Variants in SH3YL1 observed in about 807,000 individuals in gnomAD.
SH3YL1 encodes SH3 and SYLF domain containing 1, also known as SH3 domain-containing YSC84-like protein 1.
A neutral mutation model predicts 45.8 loss-of-function variants in SH3YL1; 41 were observed. The ratio of observed to expected loss-of-function variants is 0.89; its 90% CI spans 0.70 to 1.16. The LOEUF is 1.16. Among genes scored for constraint, SH3YL1 ranks in the 50% most tolerant of loss-of-function variants. The pLI is 0.00. For missense variants in SH3YL1, 389 were observed against 409.6 expected, an observed-to-expected ratio of 0.95 and a Z score of 0.43; for synonymous variants, 152 against 151.4, an observed-to-expected ratio of 1.00 and a Z score of -0.03.
At position 247,466 on chromosome 2, in the gene SH3YL1, A is replaced by C. The variant is rs73146253; in HGVS notation, c.291+72T>G. On this transcript the variant is annotated intron_variant, in intron 4 of 9. Coordinates refer to ENST00000356150, the MANE Select transcript of SH3YL1 (RefSeq NM_015677.4). The stretch of plus-strand genomic sequence containing the variant: ...CAATAAGAACGCTAGGAAACCTCTC[A>C]GTTTTCACAGGTTGCATCTTAGGTG... The C allele has an allele frequency of 4.1e-4, 497 of 1,224,808 alleles. 1 individual carries two copies. In the African/African-American group the frequency reaches 7.0e-3, roughly 17 times the overall value. The allele number at this position is 1,224,808 out of a possible 1,614,324, so 75.9% of individuals were successfully genotyped here.
At chr2:230,856 T>A (rs918280871) in intron 7 of SH3YL1, 167 bp downstream of exon 7, 3 of 651,508 alleles carry the variant, frequency 4.6e-6, no homozygotes, top group Non-Finnish European at 8.1e-6. Context: ...CCCTGAAATC[T>A]GTACAGAGGA....
chr2:231,032 CCTCTG>C lies in SH3YL1; in HGVS notation c.688_692del (p.Gln230GlufsTer5). ...TAAAACCAAACGGTACAGAAGACTT[CCTCTG>C]CTCCCTTGCTGCTTTTCTTGCATTG... On this transcript the variant is annotated frameshift_variant, in exon 7 of 10. Transcript: ENST00000356150. LOFTEE classifies it high-confidence loss of function. The C allele has an allele frequency of 6.2e-7, 1 of 1,614,060 alleles. No individual in the cohort carries two copies. The highest frequency in any genetic ancestry group is 8.5e-7 in the Non-Finnish European group (1 of 1,179,974).
At chr2:257,162 A>G (rs1031924922) in intron 1 of SH3YL1, among the ~76,000 whole-genome samples, 1 of 152,068 alleles carries the variant, frequency 6.6e-6, no homozygotes, top group Admixed American at 6.6e-5. Context: ...GAGCTTACAA[A>G]TATTTTCTTC....
intron 1 of SH3YL1, among the ~76,000 whole-genome samples, chr2:255,253 A>G (rs1021930314): frequency 3.9e-5 from 6 of 152,220 alleles, no homozygotes; most frequent in Non-Finnish European, 8.8e-5. Flanking sequence ...GCAAAATATA[A>G]ATATCTCCAA....
At chr2:228,319 G>A (rs1667873013) in intron 8 of SH3YL1, among the ~76,000 whole-genome samples, 1 of 152,192 alleles carries the variant, frequency 6.6e-6, no homozygotes, top group Non-Finnish European at 1.5e-5. Flanking sequence ...CCGCAAGCTG[G>A]CACAGGCAAA....
intron 2 of SH3YL1, among the ~76,000 whole-genome samples, chr2:251,958 G>A (rs1402849404): frequency 6.6e-6 from 1 of 152,162 alleles, no homozygotes; most frequent in Non-Finnish European, 1.5e-5. Flanking sequence ...GAGGGAGGCT[G>A]GTCTGTAACA....
chr2:249,266 T>A (rs992290901), intron 3 of SH3YL1, among the ~76,000 whole-genome samples: 1 of 152,222 alleles, frequency 6.6e-6, no homozygotes, highest in African/African-American at 2.4e-5. Context: ...TTGATATGAT[T>A]CTGCCTTGGG....
intron 8 of SH3YL1, among the ~76,000 whole-genome samples, chr2:226,320 A>C (rs1667782624): frequency 6.6e-6 from 1 of 152,242 alleles, no homozygotes. Context: ...CCTATAATAT[A>C]GATAACATTT....
rs551284049 is a variant in SH3YL1 at position 253,610 on chromosome 2, C to T, written c.2-495G>A. On this transcript the variant is annotated intron_variant, in intron 1 of 9. Transcript: ENST00000356150. ...GCCCACCCCTTTTCCAGAAAACTCA[C>T]GAATAATCCACTCCGTGTTTAGCAT... 2.1e-4 allele frequency among the ~76,000 whole-genome samples: 32 copies of T among 152,322 alleles called. No individual in the cohort carries two copies. In the South Asian group the frequency reaches 3.9e-3, roughly 19 times the overall value.
chr2:220,117 C>T (rs2103014367), intron 9 of SH3YL1, among the ~76,000 whole-genome samples: 1 of 150,544 alleles, frequency 6.6e-6, no homozygotes, highest in East Asian at 1.9e-4. Context: ...AATTAGGCAA[C>T]TAGATGTACA....
intron 5 of SH3YL1, among the ~76,000 whole-genome samples, 199 bp downstream of exon 5, chr2:233,961 T>A (rs1185920866): frequency 1.3e-5 from 2 of 152,224 alleles, no homozygotes; most frequent in Non-Finnish European, 2.9e-5. Context: ...TTCTTGTGTG[T>A]TCTGGTTTCA....
chr2:249,990 C>T, intron 2 of SH3YL1, 146 bp from the exon 3 acceptor site: 1 of 607,892 alleles, frequency 1.6e-6, no homozygotes, highest in South Asian at 2.0e-5. Context: ...GTCAGTCACT[C>T]AACAGATGGG....
At chr2:234,303 T>A in intron 4 of SH3YL1, 31 bp from the exon 5 acceptor site, 3 of 1,517,122 alleles carry the variant, frequency 2.0e-6, no homozygotes, top group Non-Finnish European at 2.7e-6. Context: ...GATTTAAAAA[T>A]CGTTAAGACT....
intron 4 of SH3YL1, chr2:239,960 G>C (rs1668472615): frequency 1.3e-5 from 2 of 152,294 alleles, no homozygotes; most frequent in Non-Finnish European, 2.9e-5. Flanking sequence ...TCTTGGGGAA[G>C]GGGGTTTGCA....
chr2:229,096 G>C (rs1276213114), intron 8 of SH3YL1, among the ~76,000 whole-genome samples: 2 of 152,122 alleles, frequency 1.3e-5, no homozygotes, highest in Non-Finnish European at 2.9e-5. Flanking sequence ...ATCATCACAT[G>C]AAAGTCCCTA....
intron 8 of SH3YL1, 43 bp from the exon 9 acceptor site, chr2:224,963 T>A: frequency 6.7e-7 from 1 of 1,488,884 alleles, no homozygotes; most frequent in Non-Finnish European, 9.3e-7. Flanking sequence ...AACTGATTAG[T>A]ATATATCATA....
At chr2:236,761 A>C (rs138536431) in intron 4 of SH3YL1, among the ~76,000 whole-genome samples, 1 of 152,328 alleles carries the variant, frequency 6.6e-6, no homozygotes, top group African/African-American at 2.4e-5. Flanking sequence ...TCAAGTCAAC[A>C]TTTTTATATG....
intron 1 of SH3YL1, among the ~76,000 whole-genome samples, chr2:254,594 G>A (rs536954604): frequency 1.2e-4 from 19 of 152,312 alleles, no homozygotes; most frequent in Non-Finnish European, 1.3e-4. Context: ...GCTTGCTTTT[G>A]TAAAAGGAAA....
At chr2:239,999 T>C (rs776393839) in intron 4 of SH3YL1, 1 of 152,198 alleles carries the variant, frequency 6.6e-6, no homozygotes, top group Non-Finnish European at 1.5e-5. Flanking sequence ...CCCCAGCCCC[T>C]GGTCAGGGCT....
Sources: allele counts gnomAD v4.1 joint callset (sites outside exome capture counted in the v4.1 genomes callset), GRCh38; gene constraint gnomAD v4.1.1; transcripts MANE v1.5; gene names NCBI Gene and HGNC (gene_info 2026-07-23, HGNC 2026-07-21).